Variants in MYOM1 observed in about 807,000 individuals in gnomAD.
MYOM1 encodes the protein myomesin-1.
MYOM1 carries 164 observed loss-of-function variants against 205.3 expected under a neutral mutation model. The ratio of observed to expected loss-of-function variants is 0.80; its 90% CI spans 0.70 to 0.91. The LOEUF (loss-of-function observed/expected upper bound fraction) is 0.91, where lower values mean the gene tolerates loss of function less well. MYOM1 is among the 40% of genes least tolerant of loss of function. MYOM1 has a pLI of 0.00. For synonymous variants in MYOM1, 772 were observed against 789.4 expected (o/e 0.98, Z 0.37); for missense variants, 2,011 against 2,127.3 (o/e 0.95, Z 1.08).
intron 5 of MYOM1, among the ~76,000 whole-genome samples, chr18:3,180,554 A>T (rs2080714856): frequency 6.6e-6 from 1 of 152,166 alleles, no homozygotes; most frequent in South Asian, 2.1e-4. Flanking sequence ...ACAGCTTGTT[A>T]TTTCTAGAAC....
At chr18:3,176,585 T>G (rs1567951473) in intron 5 of MYOM1, among the ~76,000 whole-genome samples, 2 of 152,194 alleles carry the variant, frequency 1.3e-5, no homozygotes, top group Non-Finnish European at 2.9e-5. Flanking sequence ...CATGGGTGTG[T>G]GCAATCTACA....
At chr18:3,203,905 A>T (rs2081098569) in intron 2 of MYOM1, among the ~76,000 whole-genome samples, 1 of 151,964 alleles carries the variant, frequency 6.6e-6, no homozygotes, top group Non-Finnish European at 1.5e-5. Flanking sequence ...ATCCAGCAAC[A>T]TATAAAACCA....
At chr18:3,128,255 A>C (rs1229726098) in intron 18 of MYOM1, among the ~76,000 whole-genome samples, 1 of 152,234 alleles carries the variant, frequency 6.6e-6, no homozygotes, top group African/African-American at 2.4e-5. Context: ...ATGTGCTCTC[A>C]AATGAATATC....
In MYOM1 at chr18:3,215,132, CGCTGGTAGTGACTCACGGT is replaced by C; in HGVS notation, c.73_91del (p.Thr25GlyfsTer48). 1 of 1,613,770 alleles carries C rather than the reference CGCTGGTAGTGACTCACGGT, an allele frequency of 6.2e-7. No individual in the cohort carries two copies. The highest frequency in any genetic ancestry group is 8.5e-7 in the Non-Finnish European group (1 of 1,179,840). ...GTAGACGGCGGAGCGTTTCTTCTCC[CGCTGGTAGTGACTCACGGT>C]GCTGCGCACGTCCTTGTTGCGGTAG... is the stretch of plus-strand genomic sequence containing the variant. On this transcript the variant is annotated frameshift_variant, in exon 2 of 38. Coordinates refer to ENST00000356443, the MANE Select transcript of MYOM1 (RefSeq NM_003803.4). LOFTEE classifies it high-confidence loss of function.
rs1164048128 is a variant in MYOM1, at chr18:3,187,494, T to TTC, written c.913_914dup (p.Pro306AsnfsTer13). ...AGATAACATACCACGTGACACGAGGTTCTGGCCAGCCTGCTATGGAGCAAT... is the reference window on the plus strand; with the variant it reads ...AGATAACATACCACGTGACACGAGGTTCTCTGGCCAGCCTGCTATGGAGCAAT... On this transcript the variant is annotated frameshift_variant, in exon 5 of 38. Coordinates refer to ENST00000356443, the MANE Select transcript of MYOM1 (RefSeq NM_003803.4). LOFTEE classifies it high-confidence loss of function. 6.2e-7 allele frequency: 1 copy of TTC among 1,613,552 alleles called. No homozygotes were observed. The highest frequency in any genetic ancestry group is 8.5e-7 in the Non-Finnish European group (1 of 1,179,634).
chr18:3,067,689 G>A, intron 37 of MYOM1, 134 bp from the exon 38 acceptor site: 1 of 869,880 alleles, frequency 1.1e-6, no homozygotes, highest in Non-Finnish European at 1.7e-6. Flanking sequence ...AGGGTTTAAA[G>A]TAGTTCTGTG....
chr18:3,210,671 A>C (rs1218528126), intron 2 of MYOM1, among the ~76,000 whole-genome samples: 2 of 152,200 alleles, frequency 1.3e-5, no homozygotes, highest in African/African-American at 4.8e-5. Context: ...CTCTAGAAGA[A>C]GGCTAAATCA....
At chr18:3,155,261 A>G (rs543746151) in intron 10 of MYOM1, among the ~76,000 whole-genome samples, 173 bp from the exon 11 acceptor site, 100 of 152,264 alleles carry the variant, frequency 6.6e-4, no homozygotes, top group Middle Eastern at 6.8e-3. Flanking sequence ...TCGCTCTGTC[A>G]CCCAGGCTGG....
At chr18:3,103,411 TGA>T (rs2079407957) in intron 22 of MYOM1, among the ~76,000 whole-genome samples, 1 of 152,192 alleles carries the variant, frequency 6.6e-6, no homozygotes, top group African/African-American at 2.4e-5. Flanking sequence ...ATTCTATTTT[TGA>T]GAGTTATAAT....
intron 8 of MYOM1, among the ~76,000 whole-genome samples, chr18:3,173,257 T>G (rs1036360079): frequency 3.9e-5 from 6 of 152,240 alleles, no homozygotes; most frequent in Admixed American, 6.5e-5. Flanking sequence ...TTAATCATAT[T>G]TAGACTTCAT....
At chr18:3,211,420 C>A (rs1173833265) in intron 2 of MYOM1, among the ~76,000 whole-genome samples, 1 of 152,142 alleles carries the variant, frequency 6.6e-6, no homozygotes, top group Non-Finnish European at 1.5e-5. Flanking sequence ...GTCCCTCTCT[C>A]CAGAAAAATT....
At position 3,189,143 on chromosome 18, in the gene MYOM1, G is replaced by A. The variant is rs1185144840; in HGVS notation, c.432-56C>T. 9 of 1,510,350 alleles carry A rather than the reference G, an allele frequency of 6.0e-6. No homozygotes were observed. Among genetic ancestry groups the A allele is most frequent in the Non-Finnish European group, 7.2e-6 (8 of 1,110,346 alleles). The allele number at this position is 1,510,350 out of a possible 1,614,324, so 93.6% of individuals were successfully genotyped here. On this transcript the variant is annotated intron_variant, in intron 3 of 37. Coordinates refer to ENST00000356443, the MANE Select transcript of MYOM1 (RefSeq NM_003803.4). This position sits in a 1 kb window ranked among gnomAD's most constrained non-coding sequence, Gnocchi z 4.8. ...TTGTGGATGGCAGTGATAAGATTGA[G>A]TAATTTTACTAAGTTCAAAGTACCA...
At chr18:3,081,380 A>G (rs2079084484) in intron 33 of MYOM1, among the ~76,000 whole-genome samples, 1 of 152,202 alleles carries the variant, frequency 6.6e-6, no homozygotes, top group Non-Finnish European at 1.5e-5. Flanking sequence ...ATCCGTTTCA[A>G]GGGTTTTTTT....
intron 2 of MYOM1, 78 bp downstream of exon 2, chr18:3,214,856 G>T: frequency 6.9e-7 from 1 of 1,450,080 alleles, no homozygotes; most frequent in Non-Finnish European, 9.1e-7. Context: ...GAAACAAAGC[G>T]AGAAGTAACT....
Position 3,120,097 on chromosome 18 carries a change from C to T in MYOM1, c.2992-102G>A, listed in dbSNP as rs112163902. On this transcript the variant is annotated intron_variant, in intron 19 of 37. Coordinates refer to ENST00000356443, the MANE Select transcript of MYOM1 (RefSeq NM_003803.4). ...TATTTACCTTCCATGTCAGACACAC[C>T]CTAGGGTGACCCTCAATGAGTCACA... The T allele has an allele frequency of 8.4e-6, 12 of 1,433,756 alleles. No homozygotes were observed. The African/African-American group carries it at 1.1e-4, about 14-fold the overall frequency. 88.8% of individuals were successfully genotyped at this position (1,433,756 alleles called of 1,614,324 possible).
intron 1 of MYOM1, among the ~76,000 whole-genome samples, chr18:3,217,811 T>C (rs1284861293): frequency 2.0e-5 from 3 of 152,072 alleles, no homozygotes; most frequent in African/African-American, 4.8e-5. Flanking sequence ...GGTGAGACCT[T>C]GTCTCTATTA....
At chr18:3,159,744 T>G (rs1314003981) in intron 10 of MYOM1, among the ~76,000 whole-genome samples, 1 of 151,940 alleles carries the variant, frequency 6.6e-6, no homozygotes, top group African/African-American at 2.4e-5. Context: ...ACCATAGAGA[T>G]CCAGAAATGT....
chr18:3,119,317 A>G (rs1017939537), intron 20 of MYOM1, among the ~76,000 whole-genome samples: 4 of 152,148 alleles, frequency 2.6e-5, no homozygotes, highest in South Asian at 4.1e-4. Context: ...AACCCTAGAC[A>G]GGTGCACGAA....
At chr18:3,229,422 G>A in the MYOM1 span, among the ~76,000 whole-genome samples, 4 of 150,774 alleles carry the variant, frequency 2.7e-5, no homozygotes, top group South Asian at 2.1e-4. Context: ...CTTTCAGTTC[G>A]AAAAGGATAA....
Sources: gnomAD v4.1 joint callset for allele counts (sites outside exome capture counted in the v4.1 genomes callset) on GRCh38, gnomAD v4.1.1 for gene constraint, Gnocchi (gnomAD v3.1) non-coding constraint, MANE v1.5 for transcripts, NCBI Gene and HGNC (gene_info 2026-07-23, HGNC 2026-07-21) for gene names.